Variants in RBFOX2 observed in about 807,000 individuals in gnomAD.
RBFOX2 encodes the protein RNA binding fox-1 homolog 2.
Under a neutral mutation model 49.1 loss-of-function variants are expected in RBFOX2, and 10 were observed. The observed-to-expected ratio is 0.20, with a 90% CI of 0.13 to 0.35. RBFOX2 has a LOEUF of 0.35. RBFOX2 is among the 10% of genes least tolerant of loss of function. The probability of loss-of-function intolerance (pLI) is 1.00; values close to 1 mark genes in which losing one functional copy is unlikely to be tolerated. For synonymous variants in RBFOX2, 183 were observed against 187.4 expected, an observed-to-expected ratio of 0.98 and a Z score of 0.19; for missense variants, 323 against 486.9, an observed-to-expected ratio of 0.66 and a Z score of 3.17.
At chr22:35,989,246 T>C (rs1164651670) in intron 1 of RBFOX2, among the ~76,000 whole-genome samples, 1 of 152,082 alleles carries the variant, frequency 6.6e-6, no homozygotes, top group Non-Finnish European at 1.5e-5. Context: ...TATATATAAC[T>C]TAAAAGAATT....
intron 1 of RBFOX2, among the ~76,000 whole-genome samples, chr22:35,978,359 T>C (rs2057299603): frequency 6.6e-6 from 1 of 152,228 alleles, no homozygotes; most frequent in Non-Finnish European, 1.5e-5. Context: ...GTATATGTGG[T>C]ATATATGTGT....
At chr22:35,889,015 C>T (rs758712909) in intron 1 of RBFOX2, among the ~76,000 whole-genome samples, 2 of 151,894 alleles carry the variant, frequency 1.3e-5, no homozygotes, top group Admixed American at 6.6e-5. Flanking sequence ...ATTAGCTCGG[C>T]GTGGTGTGGG....
intron 1 of RBFOX2, among the ~76,000 whole-genome samples, chr22:35,948,826 TAA>T (rs1166507664): frequency 6.6e-6 from 1 of 152,204 alleles, no homozygotes; most frequent in Non-Finnish European, 1.5e-5. Flanking sequence ...TAAATATACA[TAA>T]AGTTACCATT....
At chr22:35,809,703 C>T in intron 2 of RBFOX2, 77 bp downstream of exon 3, 2 of 1,464,584 alleles carry the variant, frequency 1.4e-6, no homozygotes, top group Non-Finnish European at 1.9e-6. Context: ...CGAGAGTCTT[C>T]TAATTGTATA....
At chr22:35,914,770 T>TC (rs1413969399) in intron 1 of RBFOX2, among the ~76,000 whole-genome samples, 1 of 152,122 alleles carries the variant, frequency 6.6e-6, no homozygotes, top group Non-Finnish European at 1.5e-5. Flanking sequence ...TGTCACCCGA[T>TC]CCCCGGGGGT....
At chr22:35,942,174 G>A (rs896334434), upstream of RBFOX2, among the ~76,000 whole-genome samples, 16 of 152,028 alleles carry the variant, frequency 1.1e-4, no homozygotes, top group Non-Finnish European at 8.8e-5. Context: ...CCACTTAATG[G>A]TTTTTGTGCT....
intron 1 of RBFOX2, among the ~76,000 whole-genome samples, chr22:35,832,666 C>T (rs1957011072): frequency 6.6e-6 from 1 of 151,908 alleles, no homozygotes; most frequent in Non-Finnish European, 1.5e-5. Context: ...AACCCTGTCT[C>T]TACTAAAATT....
At chr22:35,891,695 T>C (rs2047260974) in intron 1 of RBFOX2, among the ~76,000 whole-genome samples, 1 of 152,224 alleles carries the variant, frequency 6.6e-6, no homozygotes, top group African/African-American at 2.4e-5. Context: ...AAGTGGTCTA[T>C]AATTATGTTT....
At chr22:35,785,248 AGTTAT>A (rs1378870009) in intron 2 of RBFOX2, among the ~76,000 whole-genome samples, 1 of 152,226 alleles carries the variant, frequency 6.6e-6, no homozygotes, top group Non-Finnish European at 1.5e-5. Context: ...TCCTCAAAAA[AGTTAT>A]GTTGAGAAAA....
chr22:35,773,911 T>C (rs1307486389), intron 4 of RBFOX2, among the ~76,000 whole-genome samples: 1 of 152,108 alleles, frequency 6.6e-6, no homozygotes, highest in Non-Finnish European at 1.5e-5. Flanking sequence ...ACTAAAAGTT[T>C]CTAGCAGAGA....
rs544722620 is a variant in RBFOX2, at chr22:35,899,927, G to C, written c.-34+38920C>G. Among the ~76,000 whole-genome samples, 7 of 152,282 alleles carry C rather than the reference G, an allele frequency of 4.6e-5. No homozygotes were observed. In the East Asian group the frequency reaches 1.2e-3, roughly 25 times the overall value. On this transcript the variant is annotated intron_variant, in intron 1 of 13. Coordinates refer to the RBFOX2 transcript ENST00000359369. ...CACAGAAGAAGTTTCTGGCATGCTT[G>C]CTTCTGAGAAAGAAAAATCAGATAA...
At chr22:35,797,336 C>T (rs1434377525) in intron 2 of RBFOX2, among the ~76,000 whole-genome samples, 1 of 152,010 alleles carries the variant, frequency 6.6e-6, no homozygotes, top group Non-Finnish European at 1.5e-5. Flanking sequence ...AATGGTGCTC[C>T]ATGAAAAAAG....
intron 1 of RBFOX2, among the ~76,000 whole-genome samples, chr22:36,005,424 T>C (rs1275765576): frequency 6.6e-6 from 1 of 152,234 alleles, no homozygotes; most frequent in African/African-American, 2.4e-5. Flanking sequence ...TGCAAAGAAG[T>C]GTCTAAACAA....
intron 1 of RBFOX2, among the ~76,000 whole-genome samples, chr22:36,026,541 T>TACAGACATACACACACACAC (rs5845246): frequency 7.3e-5 from 10 of 136,564 alleles, no homozygotes; most frequent in African/African-American, 2.7e-4. Context: ...AATGAATACA[T>TACAGACATACACACACACAC]ACACACACAC....
At chr22:35,857,417 G>C (rs779566029) in intron 1 of RBFOX2, among the ~76,000 whole-genome samples, 8 of 152,230 alleles carry the variant, frequency 5.3e-5, no homozygotes, top group Non-Finnish European at 1.0e-4. Flanking sequence ...AACATCCACA[G>C]TAATTGAAGA....
At chr22:35,896,354 A>C (rs2047841444) in intron 1 of RBFOX2, among the ~76,000 whole-genome samples, 1 of 151,968 alleles carries the variant, frequency 6.6e-6, no homozygotes, top group South Asian at 2.1e-4. Context: ...GGAATATTCC[A>C]CTCCTTCCCA....
At chr22:35,924,391 G>A (rs1044034471) in intron 1 of RBFOX2, among the ~76,000 whole-genome samples, 1 of 152,184 alleles carries the variant, frequency 6.6e-6, no homozygotes, top group Non-Finnish European at 1.5e-5. Context: ...AGTAATAGGA[G>A]ATACATGGGA....
chr22:35,772,777 G>A (rs1190043684), intron 4 of RBFOX2, among the ~76,000 whole-genome samples: 2 of 152,062 alleles, frequency 1.3e-5, no homozygotes, highest in East Asian at 1.9e-4. Flanking sequence ...TTACATCATC[G>A]AGGACATATA....
At chr22:35,938,472 A>G (rs2053344382) in intron 1 of RBFOX2, among the ~76,000 whole-genome samples, 1 of 152,168 alleles carries the variant, frequency 6.6e-6, no homozygotes, top group Admixed American at 6.5e-5. Flanking sequence ...GATCATTACA[A>G]GGACTCAAAA....
Sources: allele counts gnomAD v4.1 joint callset (sites outside exome capture counted in the v4.1 genomes callset), GRCh38; gene constraint gnomAD v4.1.1; transcripts MANE v1.5; gene names NCBI Gene and HGNC (gene_info 2026-07-23, HGNC 2026-07-21).